The following INPP4A variants were observed in gnomAD, a reference collection of about 807,000 sequenced individuals.
The protein encoded by INPP4A is inositol polyphosphate-4-phosphatase type I A, also known as inositol polyphosphate-4-phosphatase, type I, 107kD.
INPP4A carries 33 observed loss-of-function variants against 119.8 expected under a neutral mutation model. That is an observed-to-expected ratio of 0.28 (90% confidence interval 0.21 to 0.37). The LOEUF (loss-of-function observed/expected upper bound fraction) is 0.37, where lower values mean the gene tolerates loss of function less well. Among genes scored for constraint, INPP4A ranks in the 10% least tolerant of loss-of-function variants. The pLI is 1.00. For missense variants in INPP4A, 956 were observed against 1,289.9 expected (o/e 0.74, Z 3.97); for synonymous variants, 496 against 500.7 (o/e 0.99, Z 0.12).
chr2:98,475,644 G>A (rs1405545504), intron 1 of INPP4A, among the ~76,000 whole-genome samples: 3 of 152,200 alleles, frequency 2.0e-5, no homozygotes, highest in Non-Finnish European at 2.9e-5. Context: ...GTATTACATT[G>A]CATGACCAAC....
chr2:98,538,781 A>G lies in INPP4A; in HGVS notation c.580-110A>G, dbSNP rs138352146. The G allele has an allele frequency of 2.2e-4, 150 of 674,696 alleles. 1 individual carries two copies. Among genetic ancestry groups the G allele is most frequent in the African/African-American group, 2.2e-3 (124 of 55,780 alleles). 41.8% of individuals were successfully genotyped at this position (674,696 alleles called of 1,614,324 possible). A position where few individuals can be genotyped will look rare whatever the true frequency, so the allele number is the denominator to read the frequency against. The stretch of plus-strand genomic sequence containing the variant: ...ATTTATTGTAGAGTTCATGGTGGAT[A>G]TTCATCTTAAGACTTCTGTTATGAT... On this transcript the variant is annotated intron_variant, in intron 8 of 24. Coordinates refer to ENST00000409851, the MANE Select transcript of INPP4A (RefSeq NM_001134225.2).
intron 1 of INPP4A, among the ~76,000 whole-genome samples, chr2:98,511,423 G>A (rs1553484324): frequency 6.6e-6 from 1 of 152,134 alleles, no homozygotes; most frequent in Non-Finnish European, 1.5e-5. Flanking sequence ...AGCATGCTTG[G>A]GTGTTAAGTG....
At position 98,503,189 on chromosome 2, in the gene INPP4A, T is replaced by A. The variant is rs190373247; in HGVS notation, c.-165-15775T>A. Among the ~76,000 whole-genome samples, 50 of 152,268 alleles carry A rather than the reference T, an allele frequency of 3.3e-4. No homozygotes were observed. The East Asian group carries it at 7.0e-3, about 21-fold the overall frequency. On this transcript the variant is annotated intron_variant, in intron 1 of 24. Coordinates refer to ENST00000409851, the MANE Select transcript of INPP4A (RefSeq NM_001134225.2). The stretch of plus-strand genomic sequence containing the variant: ...TTCTTGTGGGCAGGTTCCTCCCTGG[T>A]TTGCCCCAAGTGAGAAAGAGATTTG...
intron 8 of INPP4A, among the ~76,000 whole-genome samples, chr2:98,538,309 G>C (rs79790818): frequency 0.011 from 1,743 of 152,270 alleles, 40 homozygotes; most frequent in African/African-American, 0.04. Context: ...AGGCATTTAG[G>C]ACCCAGGTCA....
At chr2:98,526,372 A>G (rs781619731) in intron 4 of INPP4A, among the ~76,000 whole-genome samples, 5 of 152,254 alleles carry the variant, frequency 3.3e-5, no homozygotes, top group Non-Finnish European at 5.9e-5. Flanking sequence ...ATTGTATCCA[A>G]TAAATAATGA....
chr2:98,579,632 C>A (rs1698985326), intron 24 of INPP4A, among the ~76,000 whole-genome samples: 2 of 152,344 alleles, frequency 1.3e-5, no homozygotes, highest in Admixed American at 6.5e-5. Flanking sequence ...TGTGAGGCTT[C>A]TGAAGCTGTA....
At position 98,473,550 on chromosome 2, in the gene INPP4A, G is replaced by T. The variant is rs546066808; in HGVS notation, c.-166+28465G>T. 9.2e-5 allele frequency among the ~76,000 whole-genome samples: 14 copies of T among 152,230 alleles called. 1 individual carries two copies. In the South Asian group the frequency reaches 2.5e-3, roughly 27 times the overall value. ...AGTGTAGAGGGGCTGACACCGTGTG[G>T]TGGGCCACCTGCTTCCCCTCCTTAC... On this transcript the variant is annotated intron_variant, in intron 1 of 24. Coordinates refer to ENST00000409851, the MANE Select transcript of INPP4A (RefSeq NM_001134225.2).
At chr2:98,466,511 C>T (rs1047409058) in intron 1 of INPP4A, among the ~76,000 whole-genome samples, 2 of 152,260 alleles carry the variant, frequency 1.3e-5, no homozygotes, top group Non-Finnish European at 1.5e-5. Context: ...TGCAGCACTT[C>T]ATTTAATCCT....
intron 1 of INPP4A, among the ~76,000 whole-genome samples, chr2:98,448,709 C>CTTTT (rs1211225577): frequency 2.6e-5 from 2 of 76,820 alleles, no homozygotes; most frequent in Non-Finnish European, 2.9e-5. Context: ...CTCTCTCTCT[C>CTTTT]TTTTTTTTTT....
At chr2:98,525,712 A>G (rs1375098880) in intron 4 of INPP4A, among the ~76,000 whole-genome samples, 1 of 152,264 alleles carries the variant, frequency 6.6e-6, no homozygotes, top group Non-Finnish European at 1.5e-5. Context: ...ACACTAGACA[A>G]AATAAGTTAT....
At chr2:98,564,843 A>G (rs1274842303) in intron 19 of INPP4A, 80 bp downstream of exon 19, 18 of 1,435,712 alleles carry the variant, frequency 1.3e-5, no homozygotes, top group Non-Finnish European at 1.7e-5. Context: ...TTTTCTCACT[A>G]TACCAGTAAT....
At chr2:98,472,107 C>T (rs1050456834) in intron 1 of INPP4A, among the ~76,000 whole-genome samples, 29 of 152,336 alleles carry the variant, frequency 1.9e-4, no homozygotes, top group African/African-American at 6.5e-4. Flanking sequence ...TCCATTTTCT[C>T]GTTCTCTCCT....
chr2:98,552,568 A>C lies in INPP4A; in HGVS notation c.1164-218A>C, dbSNP rs760597110. The C allele has an allele frequency of 1.2e-4, 80 of 687,834 alleles. 1 individual carries two copies. The highest frequency in any genetic ancestry group is 1.8e-4 in the Non-Finnish European group (68 of 373,358). 42.6% of individuals were successfully genotyped at this position (687,834 alleles called of 1,614,324 possible). A position where few individuals can be genotyped will look rare whatever the true frequency, so the allele number is the denominator to read the frequency against. On this transcript the variant is annotated intron_variant, in intron 13 of 24. Transcript: ENST00000409851. ...ACAGATACATGCAAATACAGATAAA[A>C]GACTGAGTCATAGTTTAATATTTCA...
At chr2:98,513,951 C>T (rs1335067655) in intron 1 of INPP4A, among the ~76,000 whole-genome samples, 1 of 152,188 alleles carries the variant, frequency 6.6e-6, no homozygotes, top group Non-Finnish European at 1.5e-5. Context: ...GGCCCTGAAG[C>T]CCCCAAGGGT....
At chr2:98,564,476 C>G (rs984631598) in intron 18 of INPP4A, among the ~76,000 whole-genome samples, 164 bp from the exon 19 acceptor site, 3 of 152,192 alleles carry the variant, frequency 2.0e-5, no homozygotes, top group Admixed American at 2.0e-4. Flanking sequence ...TTCCCATGGC[C>G]AGGGCATGCC....
chr2:98,579,831 A>G lies in INPP4A; in HGVS notation c.2786+2688A>G, dbSNP rs1182843218. Among the ~76,000 whole-genome samples, 5 of 152,222 alleles carry G rather than the reference A, an allele frequency of 3.3e-5. No homozygotes were observed. The South Asian group carries it at 1.0e-3, about 32-fold the overall frequency. On this transcript the variant is annotated intron_variant, in intron 24 of 24. Coordinates refer to ENST00000409851, the MANE Select transcript of INPP4A (RefSeq NM_001134225.2). ...TTTGTTTTCTGAAATCTCTACAGTGAACATGTATCACTTTAATAGTTTTTA... is the reference window on the plus strand; with the variant it reads ...TTTGTTTTCTGAAATCTCTACAGTGGACATGTATCACTTTAATAGTTTTTA...
rs1013476713 is a variant in INPP4A at position 98,570,484 on chromosome 2, G to A, written c.2518+1816G>A. Among the ~76,000 whole-genome samples the A allele has an allele frequency of 1.3e-5, 2 of 152,218 alleles. No individual in the cohort carries two copies. The highest frequency in any genetic ancestry group is 2.4e-5 in the African/African-American group (1 of 41,456). ...TCCCATACAGTCTCACTGTGGTGAG[G>A]GCTGGGCCAGGGATCAAGGGGTGAT... On this transcript the variant is annotated intron_variant, in intron 22 of 24. Transcript: ENST00000409851. This position sits in a 1 kb window ranked among gnomAD's most constrained non-coding sequence, Gnocchi z 4.3.
intron 8 of INPP4A, among the ~76,000 whole-genome samples, chr2:98,538,530 CATT>C (rs1690756882): frequency 1.3e-5 from 2 of 152,208 alleles, no homozygotes; most frequent in Non-Finnish European, 2.9e-5. Flanking sequence ...GGTAAGTAGT[CATT>C]GTTGTACAAT....
At chr2:98,565,857 A>G in intron 20 of INPP4A, 91 bp downstream of exon 20, 1 of 1,555,042 alleles carries the variant, frequency 6.4e-7, no homozygotes, top group East Asian at 2.3e-5. Context: ...TTTTTATCCT[A>G]TTTCATTTTG....
Sources: gnomAD v4.1 joint callset for allele counts (sites outside exome capture counted in the v4.1 genomes callset) on GRCh38, gnomAD v4.1.1 for gene constraint, Gnocchi (gnomAD v3.1) non-coding constraint, MANE v1.5 for transcripts, NCBI Gene and HGNC (gene_info 2026-07-23, HGNC 2026-07-21) for gene names.